The following KMT2D variants were observed in gnomAD, a reference collection of about 807,000 sequenced individuals.
KMT2D encodes the protein lysine methyltransferase 2D, also known as histone-lysine N-methyltransferase 2D.
Under a neutral mutation model 512.7 loss-of-function variants are expected in KMT2D, and 55 were observed. The ratio of observed to expected loss-of-function variants is 0.11; its 90% CI spans 0.09 to 0.13. KMT2D has a LOEUF of 0.13. KMT2D is among the 10% of genes least tolerant of loss of function. The pLI is 1.00. For missense variants in KMT2D, 6,061 were observed against 7,127.9 expected (o/e 0.85, Z 5.39); for synonymous variants, 2,995 against 2,904.0 (o/e 1.03, Z -1.01).
At position 49,060,480 on chromosome 12, in the gene KMT2D, A is replaced by G. The variant is rs1284139509; in HGVS notation, c.-905T>C. On this transcript the variant is annotated 5_prime_UTR_variant, in exon 1 of 55. An upstream start codon of the reference 5' UTR is lost. Transcript: ENST00000301067. ...GTGATCGCAGGCGGCCTAGAGGTGCATGGCCCAACCCCGGCTCCCGGCACC... is the reference window on the plus strand; with the variant it reads ...GTGATCGCAGGCGGCCTAGAGGTGCGTGGCCCAACCCCGGCTCCCGGCACC... Among the ~76,000 whole-genome samples, 2 of 152,132 alleles carry G rather than the reference A, an allele frequency of 1.3e-5. No homozygotes were observed. Among genetic ancestry groups the G allele is most frequent in the African/African-American group, 4.8e-5 (2 of 41,450 alleles).
In KMT2D at chr12:49,031,642, G is replaced by A. The variant is rs1375780696; in HGVS notation, c.13063C>T (p.Pro4355Ser). The A allele has an allele frequency of 6.2e-7, 1 of 1,605,426 alleles. No individual in the cohort carries two copies. The highest frequency in any genetic ancestry group is 8.5e-7 in the Non-Finnish European group (1 of 1,176,256). ...KPQGPTLEPPPGRVSPAAAQL... is the reference protein window; with the variant it reads ...KPQGPTLEPPSGRVSPAAAQL... Reference sequence around the variant, plus strand: ...GCAGCAGCAGGTGAGACCCTCCCAGGAGGCGGCTCCAAGGTTGGCCCCTGA... The same window carrying A: ...GCAGCAGCAGGTGAGACCCTCCCAGAAGGCGGCTCCAAGGTTGGCCCCTGA... The change falls in exon 40 of 55, where the codon CCT becomes TCT. Residue 4355 changes from proline (P) to serine (S), a missense_variant. By Grantham distance (74) the Pro-to-Ser change is moderately conservative (BLOSUM62 -1). Transcript: ENST00000301067.
intron 49 of KMT2D, among the ~76,000 whole-genome samples, chr12:49,025,685 A>G (rs180995812): frequency 3.3e-5 from 5 of 152,372 alleles, no homozygotes; most frequent in Admixed American, 2.6e-4. Context: ...TAATCGTAGT[A>G]TAATACTTAC....
rs1408142478 is a variant in KMT2D, at chr12:49,043,441, GT to G, written c.5468-14del. 6.2e-7 allele frequency: 1 copy of G among 1,613,744 alleles called. No homozygotes were observed. Among genetic ancestry groups the G allele is most frequent in the East Asian group, 2.2e-5 (1 of 44,886 alleles). Reference sequence around the variant, plus strand: ...GGACCATCATCTCCTATGAGCAAGAGTCCCCCCTCCAATCAGAGATGTCCTA... The same window carrying G: ...GGACCATCATCTCCTATGAGCAAGAGCCCCCCTCCAATCAGAGATGTCCTA... On this transcript the variant is annotated splice_polypyrimidine_tract_variant and intron_variant, in intron 24 of 54. Transcript: ENST00000301067.
chr12:49,048,823 C>T (rs1937722756), intron 13 of KMT2D, 54 bp from the exon 14 acceptor site: 3 of 1,195,286 alleles, frequency 2.5e-6, no homozygotes, highest in Admixed American at 3.6e-5. Context: ...CCCCACCAAG[C>T]TACTTTCCTC....
chr12:49,043,282 AC>A (rs2120565892), intron 25 of KMT2D, 80 bp downstream of exon 25: 1 of 1,553,842 alleles, frequency 6.4e-7, no homozygotes, highest in East Asian at 2.2e-5. Context: ...AGCCTCCAAC[AC>A]TGACAATGCT....
At chr12:49,057,575 G>T (rs184929877) in intron 1 of KMT2D, among the ~76,000 whole-genome samples, 149 of 152,316 alleles carry the variant, frequency 9.8e-4, no homozygotes, top group Non-Finnish European at 5.9e-4. Context: ...GCAAAGAGAA[G>T]AATGTCATAC....
chr12:49,041,214 C>T lies in KMT2D; in HGVS notation c.6556G>A (p.Glu2186Lys). Residue 2186 changes from glutamate to lysine, a missense_variant, in exon 32 of 55, where the codon GAG (glutamate) becomes AAG (lysine). Transcript: ENST00000301067. The surrounding 1 kb of genome is among the most constrained non-coding windows in gnomAD (Gnocchi z 5.4). ...GGCGGTGCCGTGGGGAAGCGGGGCTCCAGGGGATAGGCAGGGGCCAGTCCA... is the reference window on the plus strand; with the variant it reads ...GGCGGTGCCGTGGGGAAGCGGGGCTTCAGGGGATAGGCAGGGGCCAGTCCA... Reference protein sequence around the residue: ...PFGLAPAYPLEPRFPTAPPTY... With the variant: ...PFGLAPAYPLKPRFPTAPPTY... 6.6e-7 allele frequency: 1 copy of T among 1,512,904 alleles called. No homozygotes were observed. The highest frequency in any genetic ancestry group is 8.8e-7 in the Non-Finnish European group (1 of 1,133,458). 93.7% of individuals were successfully genotyped at this position (1,512,904 alleles called of 1,614,324 possible). A position where few individuals can be genotyped will look rare whatever the true frequency, so the allele number is the denominator to read the frequency against.
Position 49,037,528 on chromosome 12 carries a change from C to T in KMT2D, c.9828G>A (p.Gln3276=), listed in dbSNP as rs2120480918. The T allele has an allele frequency of 1.9e-6, 3 of 1,555,436 alleles. No homozygotes were observed. Among genetic ancestry groups the T allele is most frequent in the Non-Finnish European group, 2.6e-6 (3 of 1,149,334 alleles). ...GGGAATGCTGCTGCTGCTGTTGCTG[C>T]TGCTGCTGGGCAGGCTGCAACTGTG... is the stretch of plus-strand genomic sequence containing the variant. The part of the protein sequence containing the change: ...LSAQLQPAQQ[Q]QQQQQQHSLL... Residue 3276 remains glutamine, a synonymous_variant, in exon 35 of 55, where the codon CAG becomes CAA. Transcript: ENST00000301067.
Position 49,033,269 on chromosome 12 carries a change from C to T in KMT2D, c.11436G>A (p.Gln3812=), listed in dbSNP as rs760076218. 3 of 1,566,104 alleles carry T rather than the reference C, an allele frequency of 1.9e-6. No individual in the cohort carries two copies. Among genetic ancestry groups the T allele is most frequent in the Non-Finnish European group, 1.7e-6 (2 of 1,155,294 alleles). ...LGPAQVAVLQ[Q]QHPGALGPQG... is the part of the protein sequence containing the mutation. ...GGGGGCCCAAAGCTCCAGGGTGCTG[C>T]TGCTGCAACACAGCCACCTGGGCAG... The change falls in exon 40 of 55, where the codon CAG becomes CAA. Residue 3812 remains glutamine, a synonymous_variant. Transcript: ENST00000301067.
Position 49,042,988 on chromosome 12 carries a change from C to G in KMT2D, c.5644+88G>C. 1 of 1,562,024 alleles carries G rather than the reference C, an allele frequency of 6.4e-7. No individual in the cohort carries two copies. Among genetic ancestry groups the G allele is most frequent in the Non-Finnish European group, 8.8e-7 (1 of 1,135,244 alleles). On this transcript the variant is annotated intron_variant, in intron 26 of 54. Coordinates refer to ENST00000301067, the MANE Select transcript of KMT2D (RefSeq NM_003482.4). The surrounding 1 kb of genome is among the most constrained non-coding windows in gnomAD (Gnocchi z 4.4). ...AGTCCAGGACTCCCCACCAGAGAAG[C>G]TGTACAGATCACAGTCCCAAAGATA...
chr12:49,022,130 G>T lies in KMT2D; in HGVS notation c.16434C>A (p.Ala5478=), dbSNP rs769312851. 6.2e-7 allele frequency: 1 copy of T among 1,613,820 alleles called. No individual in the cohort carries two copies. Among genetic ancestry groups the T allele is most frequent in the South Asian group, 1.1e-5 (1 of 91,070 alleles). Residue 5478 remains alanine (A), a synonymous_variant, in exon 54 of 55, where the codon GCC becomes GCA. Transcript: ENST00000301067. This position sits in a 1 kb window ranked among gnomAD's most constrained non-coding sequence, Gnocchi z 8.6. ...TCACGACTTCGGCCACACAGTTAGGGGCACAGGAATGGTTAATGTACCTGG... is the reference window on the plus strand; with the variant it reads ...TCACGACTTCGGCCACACAGTTAGGTGCACAGGAATGGTTAATGTACCTGG... The part of the protein sequence containing the change: ...GPARYINHSC[A]PNCVAEVVTF...
Position 49,040,767 on chromosome 12 carries a change from C to G in KMT2D, c.7003G>C (p.Ala2335Pro). The G allele has an allele frequency of 6.2e-7, 1 of 1,613,418 alleles. No homozygotes were observed. Residue 2335 changes from alanine to proline, a missense_variant, in exon 32 of 55, where the codon GCA (alanine) becomes CCA (proline). Ala to Pro is a conservative substitution (Grantham distance 27). Coordinates refer to ENST00000301067, the MANE Select transcript of KMT2D (RefSeq NM_003482.4). ...DVFKAPLTPRASQVEPQSPGL... is the reference protein window; with the variant it reads ...DVFKAPLTPRPSQVEPQSPGL... ...GGGCTCTGGGGCTCTACCTGAGATGCCCGAGGGGTCAGGGGGGCTTTGAAG... is the reference window on the plus strand; with the variant it reads ...GGGCTCTGGGGCTCTACCTGAGATGGCCGAGGGGTCAGGGGGGCTTTGAAG...
rs1442414812 is a variant in KMT2D, at chr12:49,041,816, C to A, written c.6183+101G>T. The A allele has an allele frequency of 1.3e-6, 2 of 1,522,876 alleles. No individual in the cohort carries two copies. The highest frequency in any genetic ancestry group is 1.8e-6 in the Non-Finnish European group (2 of 1,118,702). 94.3% of individuals were successfully genotyped at this position (1,522,876 alleles called of 1,614,324 possible). A position where few individuals can be genotyped will look rare whatever the true frequency, so the allele number is the denominator to read the frequency against. ...CAGAAGCAGATCCCTTCTGGCCCAG[C>A]TGCTTTAGGAGTGGGGAGCGGAAAG... is the stretch of plus-strand genomic sequence containing the variant. On this transcript the variant is annotated intron_variant, in intron 30 of 54. Transcript: ENST00000301067. This position sits in a 1 kb window ranked among gnomAD's most constrained non-coding sequence, Gnocchi z 5.4.
chr12:49,052,808 C>T (rs2120690850), intron 9 of KMT2D, 99 bp from the exon 10 acceptor site: 1 of 1,581,850 alleles, frequency 6.3e-7, no homozygotes. Flanking sequence ...GATGGCACTG[C>T]CCACCTTAGG....
chr12:49,036,751 T>C (rs1943243343), intron 35 of KMT2D, among the ~76,000 whole-genome samples: 1 of 152,078 alleles, frequency 6.6e-6, no homozygotes, highest in Non-Finnish European at 1.5e-5. Flanking sequence ...CCACCTGCCT[T>C]GGTCTCCCAA....
intron 14 of KMT2D, 78 bp downstream of exon 14, chr12:49,048,581 G>T (rs1937701278): frequency 2.2e-6 from 2 of 919,220 alleles, no homozygotes; most frequent in East Asian, 2.5e-5. Context: ...CCCAAAGTAG[G>T]TCCAGTTTTC....
At position 49,046,677 on chromosome 12, in the gene KMT2D, A is replaced by G. The variant is rs1470138566; in HGVS notation, c.4350T>C (p.Ile1450=). The change falls in exon 16 of 55, where the codon ATT becomes ATC. Residue 1450 remains isoleucine (I), a synonymous_variant. Coordinates refer to ENST00000301067, the MANE Select transcript of KMT2D (RefSeq NM_003482.4). This position sits in a 1 kb window ranked among gnomAD's most constrained non-coding sequence, Gnocchi z 4.2. ...GGTCCAGGCAGTATGTGTGGTAGCT[A>G]ATATCACAGTCATCACAGAGCAGCA... The part of the protein sequence containing the change: ...SRLLLCDDCD[I]SYHTYCLDPP... The G allele has an allele frequency of 6.2e-7, 1 of 1,613,906 alleles. No homozygotes were observed.
chr12:49,028,099 T>A lies in KMT2D; in HGVS notation c.14425A>T (p.Met4809Leu), dbSNP rs1263894352. 1.2e-6 allele frequency: 2 copies of A among 1,613,866 alleles called. No homozygotes were observed. Among genetic ancestry groups the A allele is most frequent in the Admixed American group, 3.3e-5 (2 of 59,996 alleles). The change falls in exon 47 of 55, where the codon ATG becomes TTG. Residue 4809 changes from methionine to leucine, a missense_variant. Coordinates refer to ENST00000301067, the MANE Select transcript of KMT2D (RefSeq NM_003482.4). The stretch of plus-strand genomic sequence containing the variant: ...ACCTCATAGGAGTTGGGGATCTTCA[T>A]GCTCAGCAGCTCCGCCACTGCCACC... ...VMVAVAELLS[M>L]KIPNSYEVLF...
chr12:49,025,202 G>A (rs988940624), intron 49 of KMT2D, among the ~76,000 whole-genome samples: 15 of 152,188 alleles, frequency 9.9e-5, no homozygotes, highest in African/African-American at 3.6e-4. Flanking sequence ...ATAGGCCATG[G>A]AAGGTCCCTA....
Sources: gnomAD v4.1 joint callset for allele counts (sites outside exome capture counted in the v4.1 genomes callset) on GRCh38, gnomAD v4.1.1 for gene constraint, Gnocchi (gnomAD v3.1) non-coding constraint, MANE v1.5 for transcripts, NCBI Gene and HGNC (gene_info 2026-07-23, HGNC 2026-07-21) for gene names.